The following SPATA13 variants were observed in gnomAD, a reference collection of about 807,000 sequenced individuals.
SPATA13 encodes spermatogenesis associated 13, also known as spermatogenesis-associated protein 13.
A neutral mutation model predicts 104.0 loss-of-function variants in SPATA13; 50 were observed. That is an observed-to-expected ratio of 0.48 (90% CI 0.38 to 0.61). SPATA13 has a LOEUF of 0.61. Among genes scored for constraint, SPATA13 ranks in the 20% least tolerant of loss-of-function variants. The pLI is 0.00. For synonymous variants in SPATA13, 606 were observed against 667.5 expected, an observed-to-expected ratio of 0.91 and a Z score of 1.42; for missense variants, 1,524 against 1,690.6, an observed-to-expected ratio of 0.90 and a Z score of 1.73.
intron 1 of SPATA13, among the ~76,000 whole-genome samples, chr13:24,200,586 A>G (rs578254268): frequency 1.3e-5 from 2 of 151,994 alleles, no homozygotes; most frequent in East Asian, 3.9e-4. Context: ...ATTGGTTTTC[A>G]ACACATAAAA....
At chr13:24,271,551 A>G (rs1167984337) in intron 4 of SPATA13, among the ~76,000 whole-genome samples, 1 of 152,180 alleles carries the variant, frequency 6.6e-6, no homozygotes, top group East Asian at 1.9e-4. Flanking sequence ...GTATTGGACT[A>G]TTTGGACTAT....
In SPATA13 at chr13:24,306,644, C is replaced by G. The variant is rs1288108710; in HGVS notation, c.*3871C>G. On this transcript the variant is annotated 3_prime_UTR_variant, in exon 13 of 13. Coordinates refer to ENST00000382108, the MANE Select transcript of SPATA13 (RefSeq NM_001166271.3). ...ACATGACTGATCTTGAAAAAAAAAG[C>G]AAAAGCTTAAATATTTGATACAAGT... 1 of 152,170 alleles carries G rather than the reference C, an allele frequency of 6.6e-6. No individual in the cohort carries two copies. The highest frequency in any genetic ancestry group is 1.9e-4 in the East Asian group (1 of 5,180). The allele number at this position is 152,170 out of a possible 1,614,324, so 9.4% of individuals were successfully genotyped here.
At chr13:24,058,215 C>T (rs759932743) in intron 3 of SPATA13, among the ~76,000 whole-genome samples, 1 of 151,788 alleles carries the variant, frequency 6.6e-6, no homozygotes, top group Non-Finnish European at 1.5e-5. Context: ...GTCTTTTGAT[C>T]GTAAGTGGAA....
At chr13:24,145,971 G>C (rs1487050121) in intron 3 of SPATA13, among the ~76,000 whole-genome samples, 1 of 152,194 alleles carries the variant, frequency 6.6e-6, no homozygotes, top group Non-Finnish European at 1.5e-5. Flanking sequence ...TAGACTGCGG[G>C]GGCCAATCTG....
chr13:24,225,850 G>A (rs1871903311), intron 2 of SPATA13, among the ~76,000 whole-genome samples: 1 of 152,236 alleles, frequency 6.6e-6, no homozygotes, highest in African/African-American at 2.4e-5. Flanking sequence ...CCCACCTGCA[G>A]CTGGGCGAGC....
intron 3 of SPATA13, among the ~76,000 whole-genome samples, chr13:24,046,655 A>G (rs182895804): frequency 2.0e-5 from 3 of 151,832 alleles, no homozygotes; most frequent in East Asian, 1.9e-4. Context: ...TAGATGTCCA[A>G]TGTATAATAC....
intron 3 of SPATA13, among the ~76,000 whole-genome samples, chr13:24,095,495 A>G (rs1175036800): frequency 6.6e-6 from 1 of 152,170 alleles, no homozygotes; most frequent in Non-Finnish European, 1.5e-5. Context: ...AAGTGGATAG[A>G]AGTGCTGGTT....
chr13:24,153,003 C>T (rs1281569330), intron 3 of SPATA13, among the ~76,000 whole-genome samples: 1 of 152,220 alleles, frequency 6.6e-6, no homozygotes, highest in Non-Finnish European at 1.5e-5. Flanking sequence ...GGTCAACATG[C>T]AAAACAAAAG....
At chr13:24,261,884 G>A (rs1410307067) in intron 4 of SPATA13, among the ~76,000 whole-genome samples, 1 of 152,196 alleles carries the variant, frequency 6.6e-6, no homozygotes, top group African/African-American at 2.4e-5. Context: ...TTTTGCTTAA[G>A]CTGTGTTGAT....
intron 1 of SPATA13, among the ~76,000 whole-genome samples, chr13:24,187,463 T>C (rs1263210980): frequency 6.6e-6 from 1 of 152,196 alleles, no homozygotes; most frequent in African/African-American, 2.4e-5. Flanking sequence ...TACGTTTTAT[T>C]CTGCCTAGCT....
At chr13:24,285,165 C>T (rs1875838542) in intron 5 of SPATA13, among the ~76,000 whole-genome samples, 1 of 152,116 alleles carries the variant, frequency 6.6e-6, no homozygotes. Flanking sequence ...ATCACCTGCT[C>T]CCGTGGCCAG....
chr13:23,990,442 A>C (rs1182023803), intron 2 of SPATA13, among the ~76,000 whole-genome samples: 1 of 151,964 alleles, frequency 6.6e-6, no homozygotes, highest in Non-Finnish European at 1.5e-5. Flanking sequence ...GTGATTTCTC[A>C]ATTCCTTAAA....
chr13:24,122,951 G>T, intron 3 of SPATA13: 2 of 782,480 alleles, frequency 2.6e-6, no homozygotes, highest in South Asian at 2.7e-5. Flanking sequence ...TAAGAAGCGT[G>T]TCAGGTGTAT....
intron 4 of SPATA13, among the ~76,000 whole-genome samples, 156 bp from the exon 5 acceptor site, chr13:24,283,979 T>C (rs1427604424): frequency 6.6e-6 from 1 of 152,240 alleles, no homozygotes; most frequent in Non-Finnish European, 1.5e-5. Context: ...AGCTCTTAAC[T>C]TTGGAGTAAT....
intron 3 of SPATA13, among the ~76,000 whole-genome samples, chr13:24,047,922 G>A (rs1358306933): frequency 1.3e-5 from 2 of 152,202 alleles, no homozygotes; most frequent in African/African-American, 4.8e-5. Context: ...GAAGCCAGTG[G>A]TATAGGTCCT....
chr13:24,021,331 A>G lies in SPATA13; in HGVS notation c.-112+3630A>G, dbSNP rs535952299. Among the ~76,000 whole-genome samples, 108 of 152,336 alleles carry G rather than the reference A, an allele frequency of 7.1e-4. 3 individuals carry two copies. In the South Asian group the frequency reaches 0.019, roughly 27 times the overall value. On this transcript the variant is annotated intron_variant, in intron 3 of 14. Transcript: ENST00000424834. ...AGCATAGCTTGCATAAAGATGATTA[A>G]GAGAATATCAGGCATAGGGCAGACA...
chr13:24,019,832 G>A (rs966859504), intron 3 of SPATA13, among the ~76,000 whole-genome samples: 3 of 152,204 alleles, frequency 2.0e-5, no homozygotes, highest in Admixed American at 6.5e-5. Context: ...TCTATTATCA[G>A]TGAGGTCACA....
chr13:24,046,952 A>T (rs374425118), intron 3 of SPATA13, among the ~76,000 whole-genome samples: 1 of 87,334 alleles, frequency 1.1e-5, no homozygotes, highest in South Asian at 2.8e-4. Flanking sequence ...GGAGTTTATT[A>T]CTTTATTACT....
chr13:23,995,101 A>G (rs1023750088), intron 2 of SPATA13, among the ~76,000 whole-genome samples: 6 of 152,148 alleles, frequency 3.9e-5, no homozygotes, highest in Admixed American at 6.5e-5. Flanking sequence ...CCCAAACACA[A>G]TGTCCAAAAA....
Sources: allele counts gnomAD v4.1 joint callset (sites outside exome capture counted in the v4.1 genomes callset), GRCh38; gene constraint gnomAD v4.1.1; transcripts MANE v1.5; gene names NCBI Gene and HGNC (gene_info 2026-07-23, HGNC 2026-07-21).